Variants in WDPCP observed in about 807,000 individuals in gnomAD.
WDPCP encodes WD repeat containing planar cell polarity effector.
A neutral mutation model predicts 93.1 loss-of-function variants in WDPCP; 71 were observed. The ratio of observed to expected loss-of-function variants is 0.76; its 90% CI spans 0.63 to 0.93. WDPCP has a LOEUF of 0.93. Ranked by LOEUF, WDPCP falls within the 40% of genes least tolerant of loss-of-function variation. WDPCP has a pLI of 0.00. For missense variants in WDPCP, 844 were observed against 887.4 expected (o/e 0.95, Z 0.62); for synonymous variants, 315 against 315.0 (o/e 1.00, Z 0.00).
chr2:63,723,524 G>C lies in WDPCP; in HGVS notation n.309-72686C>G, dbSNP rs564226267. Among the ~76,000 whole-genome samples, 118 of 152,242 alleles carry C rather than the reference G, an allele frequency of 7.8e-4. 1 individual carries two copies. The highest frequency in any genetic ancestry group is 1.4e-3 in the Non-Finnish European group (94 of 68,006). ...TCTCCCAGAACAGAATCTCCATGTT[G>C]GAGCTCATCAGTGGCTGCCTAACCC... On this transcript the variant is annotated intron_variant and non_coding_transcript_variant, in intron 2 of 4. Coordinates refer to the WDPCP transcript ENST00000467687.
chr2:63,567,101 C>T (rs1337536683), intron 1 of WDPCP, among the ~76,000 whole-genome samples: 2 of 152,156 alleles, frequency 1.3e-5, no homozygotes, highest in African/African-American at 2.4e-5. Context: ...AATGTGTTCA[C>T]CAACCCAGAA....
chr2:63,258,032 T>G (rs1681285062), intron 14 of WDPCP, among the ~76,000 whole-genome samples: 1 of 152,158 alleles, frequency 6.6e-6, no homozygotes, highest in African/African-American at 2.4e-5. Context: ...CTTTCATCAT[T>G]TAGTTAGAAG....
intron 2 of WDPCP, among the ~76,000 whole-genome samples, chr2:63,784,571 AGTGTGTGTGT>A (rs57680590): frequency 2.7e-5 from 4 of 145,648 alleles, no homozygotes; most frequent in Non-Finnish European, 4.6e-5. Context: ...CTCTAGCTGG[AGTGTGTGTGT>A]GTGTGTGTGT....
intron 2 of WDPCP, among the ~76,000 whole-genome samples, chr2:63,765,674 A>C (rs1670127103): frequency 6.6e-6 from 1 of 152,168 alleles, no homozygotes; most frequent in African/African-American, 2.4e-5. Context: ...AAACTCCAAA[A>C]TTATCCTGGA....
chr2:63,207,344 C>T (rs1175862597), intron 14 of WDPCP, among the ~76,000 whole-genome samples: 1 of 152,118 alleles, frequency 6.6e-6, no homozygotes, highest in African/African-American at 2.4e-5. Flanking sequence ...CTCTTTCTCC[C>T]TCTCCACCAT....
At chr2:63,766,232 C>T (rs2103930656) in intron 2 of WDPCP, among the ~76,000 whole-genome samples, 1 of 152,254 alleles carries the variant, frequency 6.6e-6, no homozygotes, top group African/African-American at 2.4e-5. Flanking sequence ...CTCATCCCTC[C>T]CTGAACATAT....
rs1197053665 is a variant in WDPCP at position 63,121,981 on chromosome 2, G to A, written c.*25C>T. 1 of 1,612,570 alleles carries A rather than the reference G, an allele frequency of 6.2e-7. No individual in the cohort carries two copies. On this transcript the variant is annotated 3_prime_UTR_variant, in exon 18 of 18. Coordinates refer to ENST00000272321, the MANE Select transcript of WDPCP (RefSeq NM_015910.7). The stretch of plus-strand genomic sequence containing the variant: ...CCATGAAAAGTTTAGATATGAAGAA[G>A]GCAGTTTTCTTTTTTTCTTAATGTT...
chr2:63,182,271 T>C (rs1163676749), intron 14 of WDPCP, among the ~76,000 whole-genome samples: 1 of 152,114 alleles, frequency 6.6e-6, no homozygotes, highest in Non-Finnish European at 1.5e-5. Flanking sequence ...AGTATAATGT[T>C]TTCTGTGGTC....
chr2:63,368,318 A>AT (rs1558527715), intron 12 of WDPCP, among the ~76,000 whole-genome samples: 6 of 94,792 alleles, frequency 6.3e-5, no homozygotes, highest in Admixed American at 3.9e-4. Context: ...TTATTTATTT[A>AT]TTTATTTATT....
intron 3 of WDPCP, among the ~76,000 whole-genome samples, chr2:63,596,755 T>TA (rs1162855516): frequency 6.6e-6 from 1 of 152,194 alleles, no homozygotes; most frequent in Non-Finnish European, 1.5e-5. Flanking sequence ...TGCGATGACT[T>TA]ATGTTCTTTA....
intron 15 of WDPCP, among the ~76,000 whole-genome samples, chr2:63,160,759 G>A (rs2103889950): frequency 6.6e-6 from 1 of 152,188 alleles, no homozygotes; most frequent in South Asian, 2.1e-4. Flanking sequence ...AAATAATCTA[G>A]GCAATGTTCA....
chr2:63,766,405 C>T (rs1670136738), intron 2 of WDPCP, among the ~76,000 whole-genome samples: 1 of 151,396 alleles, frequency 6.6e-6, no homozygotes, highest in African/African-American at 2.4e-5. Flanking sequence ...TCATAACTTA[C>T]TGAAGCCTTG....
At chr2:63,520,085 T>C (rs1360555815) in intron 1 of WDPCP, among the ~76,000 whole-genome samples, 2 of 152,098 alleles carry the variant, frequency 1.3e-5, no homozygotes, top group African/African-American at 2.4e-5. Context: ...AATTTCATAA[T>C]TAAATCACAA....
intron 3 of WDPCP, among the ~76,000 whole-genome samples, chr2:63,607,518 G>T (rs542998848): frequency 9.9e-5 from 15 of 151,792 alleles, no homozygotes; most frequent in Middle Eastern, 3.4e-3. Context: ...CCTGGGCTAC[G>T]AGGGAAACTC....
chr2:63,232,991 T>TTTAAG (rs1679056814), intron 14 of WDPCP: 1 of 162,946 alleles, frequency 6.1e-6, no homozygotes, highest in Non-Finnish European at 1.3e-5. Flanking sequence ...CTGATCTGAC[T>TTTAAG]TTAAGTTGGA....
chr2:63,529,832 AT>A (rs906715041), intron 1 of WDPCP, among the ~76,000 whole-genome samples: 1 of 151,824 alleles, frequency 6.6e-6, no homozygotes, highest in Non-Finnish European at 1.5e-5. Context: ...GGTCCTCGAC[AT>A]TTTTTTTGGT....
At position 63,197,346 on chromosome 2, in the gene WDPCP, C is replaced by CT. The variant is rs1675523683; in HGVS notation, c.1916-22515dup. Among the ~76,000 whole-genome samples the CT allele has an allele frequency of 3.3e-5, 5 of 152,048 alleles. No individual in the cohort carries two copies. The South Asian group carries it at 1.0e-3, about 32-fold the overall frequency. ...ACATAAAACATATGTTAATTGATTG[C>CT]TTATGCTATTGGTAATGCTTCCAAT... On this transcript the variant is annotated intron_variant, in intron 14 of 17. Coordinates refer to ENST00000272321, the MANE Select transcript of WDPCP (RefSeq NM_015910.7).
chr2:63,526,092 C>G (rs1375242420), intron 1 of WDPCP, among the ~76,000 whole-genome samples: 1 of 151,738 alleles, frequency 6.6e-6, no homozygotes, highest in Non-Finnish European at 1.5e-5. Context: ...CACACACATA[C>G]ATGTGCTCTC....
intron 12 of WDPCP, among the ~76,000 whole-genome samples, chr2:63,350,689 C>G (rs1689536946): frequency 6.6e-6 from 1 of 151,892 alleles, no homozygotes; most frequent in South Asian, 2.1e-4. Context: ...ATAGTCCTTC[C>G]CACTCCATTT....
Sources: allele counts gnomAD v4.1 joint callset (sites outside exome capture counted in the v4.1 genomes callset), GRCh38; gene constraint gnomAD v4.1.1; transcripts MANE v1.5; gene names NCBI Gene and HGNC (gene_info 2026-07-23, HGNC 2026-07-21).